Variants in WDR70 observed in about 807,000 individuals in gnomAD.
WDR70 encodes WD repeat-containing protein 70.
Under a neutral mutation model 88.6 loss-of-function variants are expected in WDR70, and 53 were observed. The observed-to-expected ratio is 0.60, with a 90% CI of 0.48 to 0.75. The LOEUF (loss-of-function observed/expected upper bound fraction) is 0.75, where lower values mean the gene tolerates loss of function less well. Ranked by LOEUF, WDR70 falls within the 30% of genes least tolerant of loss-of-function variation. WDR70 has a pLI of 0.00. For missense variants in WDR70, 610 were observed against 823.2 expected, an observed-to-expected ratio of 0.74 and a Z score of 3.17; for synonymous variants, 280 against 270.0, an observed-to-expected ratio of 1.04 and a Z score of -0.36.
At chr5:37,618,327 A>G (rs1239707344) in intron 10 of WDR70, among the ~76,000 whole-genome samples, 2 of 152,202 alleles carry the variant, frequency 1.3e-5, no homozygotes, top group Non-Finnish European at 2.9e-5. Context: ...TAGTCAAAAT[A>G]TAAAGGTCAA....
At chr5:37,417,950 C>A (rs1253877493) in intron 5 of WDR70, among the ~76,000 whole-genome samples, 1 of 152,106 alleles carries the variant, frequency 6.6e-6, no homozygotes, top group African/African-American at 2.4e-5. Context: ...TAAGTAAGTG[C>A]GCCATTAAGT....
chr5:37,430,918 A>G (rs1750283971), intron 5 of WDR70, among the ~76,000 whole-genome samples: 2 of 151,932 alleles, frequency 1.3e-5, no homozygotes, highest in Admixed American at 1.3e-4. Context: ...CAGTGGCGCA[A>G]TCTTGGCTGA....
chr5:37,751,628 T>G (rs1254654612), intron 17 of WDR70, among the ~76,000 whole-genome samples: 1 of 152,228 alleles, frequency 6.6e-6, no homozygotes, highest in Non-Finnish European at 1.5e-5. Context: ...ATATAATGAT[T>G]CTAAATGAAA....
At chr5:37,475,169 C>T (rs1216076674) in intron 7 of WDR70, among the ~76,000 whole-genome samples, 2 of 151,728 alleles carry the variant, frequency 1.3e-5, no homozygotes, top group Admixed American at 1.3e-4. Context: ...ATCCACCTGC[C>T]TTGGCCTCCC....
chr5:37,425,331 A>T (rs184995008), intron 5 of WDR70, among the ~76,000 whole-genome samples: 43 of 152,348 alleles, frequency 2.8e-4, no homozygotes, highest in African/African-American at 1.0e-3. Flanking sequence ...GAGCACGATA[A>T]CATGGATCAG....
At chr5:37,517,026 T>A (rs1740910360) in intron 9 of WDR70, among the ~76,000 whole-genome samples, 1 of 152,098 alleles carries the variant, frequency 6.6e-6, no homozygotes, top group Admixed American at 6.5e-5. Context: ...CCGGCCTATA[T>A]ATTCTTGTTC....
chr5:37,462,667 T>C (rs1739044688), intron 7 of WDR70, among the ~76,000 whole-genome samples: 1 of 152,120 alleles, frequency 6.6e-6, no homozygotes, highest in African/African-American at 2.4e-5. Context: ...ACTAAACATA[T>C]ACTAACTTGT....
At chr5:37,407,847 C>A (rs1406933555) in intron 5 of WDR70, among the ~76,000 whole-genome samples, 1 of 151,912 alleles carries the variant, frequency 6.6e-6, no homozygotes, top group Non-Finnish European at 1.5e-5. Context: ...CCCAGCCTAA[C>A]CATGCTTTTA....
At chr5:37,485,841 G>A (rs555016423) in intron 8 of WDR70, among the ~76,000 whole-genome samples, 106 of 144,934 alleles carry the variant, frequency 7.3e-4, no homozygotes, top group African/African-American at 2.6e-3. Context: ...ACAGGCATGC[G>A]CCACCATGCC....
Position 37,486,126 on chromosome 5 carries a change from T to C in WDR70, c.840+6139T>C, listed in dbSNP as rs540702173. Among the ~76,000 whole-genome samples, 43 of 152,132 alleles carry C rather than the reference T, an allele frequency of 2.8e-4. No homozygotes were observed. In the East Asian group the frequency reaches 6.6e-3, roughly 23 times the overall value. On this transcript the variant is annotated intron_variant, in intron 8 of 17. Transcript: ENST00000265107. The stretch of plus-strand genomic sequence containing the variant: ...AACTTTTTATTTGTTCATGGAACTT[T>C]CTAGACCGTAACTACACTGAATAAT...
At chr5:37,398,075 T>A (rs1458867116) in intron 5 of WDR70, among the ~76,000 whole-genome samples, 1 of 147,192 alleles carries the variant, frequency 6.8e-6, no homozygotes, top group African/African-American at 2.5e-5. Context: ...TATTTGACAC[T>A]TGGGGTAGAT....
chr5:37,468,927 G>T (rs1427878580), intron 7 of WDR70, among the ~76,000 whole-genome samples: 1 of 152,184 alleles, frequency 6.6e-6, no homozygotes, highest in East Asian at 1.9e-4. Flanking sequence ...TTATATCAGG[G>T]ACTTGAGTAT....
At chr5:37,571,666 AATAG>A (rs768510967) in intron 9 of WDR70, among the ~76,000 whole-genome samples, 30 of 152,178 alleles carry the variant, frequency 2.0e-4, no homozygotes, top group South Asian at 2.1e-4. Context: ...TGAATGAAAA[AATAG>A]ATAGATAGAC....
At chr5:37,380,660 T>A (rs1748398280) in intron 2 of WDR70, among the ~76,000 whole-genome samples, 1 of 151,652 alleles carries the variant, frequency 6.6e-6, no homozygotes, top group African/African-American at 2.4e-5. Context: ...TCTTTTTTTA[T>A]TTTTTGAGAT....
chr5:37,639,700 A>T lies in WDR70; in HGVS notation c.1092+34462A>T, dbSNP rs534622030. On this transcript the variant is annotated intron_variant, in intron 10 of 17. Transcript: ENST00000265107. Reference sequence around the variant, plus strand: ...GGCTTGATTTCTATAACACTCTTTGATGGTGATCATAATGACTAAGTGGTT... The same window carrying T: ...GGCTTGATTTCTATAACACTCTTTGTTGGTGATCATAATGACTAAGTGGTT... 2.0e-4 allele frequency among the ~76,000 whole-genome samples: 31 copies of T among 152,190 alleles called. No homozygotes were observed. The East Asian group carries it at 3.7e-3, about 18-fold the overall frequency.
intron 8 of WDR70, among the ~76,000 whole-genome samples, chr5:37,486,014 CA>C (rs1561871265): frequency 6.6e-6 from 1 of 151,744 alleles, no homozygotes; most frequent in Non-Finnish European, 1.5e-5. Context: ...TGTGCCTGGC[CA>C]ACAATATATA....
chr5:37,456,931 A>G (rs911930496), intron 7 of WDR70, among the ~76,000 whole-genome samples: 4 of 152,016 alleles, frequency 2.6e-5, no homozygotes, highest in African/African-American at 9.7e-5. Flanking sequence ...CAATAAACAT[A>G]AAGATATTCA....
intron 10 of WDR70, among the ~76,000 whole-genome samples, chr5:37,637,239 G>T (rs913417581): frequency 1.3e-5 from 2 of 151,962 alleles, no homozygotes; most frequent in African/African-American, 4.8e-5. Flanking sequence ...CTACTGGGAG[G>T]CTGAGGCAGG....
At chr5:37,660,645 T>C (rs1317364034) in intron 10 of WDR70, among the ~76,000 whole-genome samples, 3 of 152,178 alleles carry the variant, frequency 2.0e-5, no homozygotes, top group Admixed American at 6.5e-5. Flanking sequence ...ATTTGCCTGG[T>C]AAATCTTTTT....
Sources: gnomAD v4.1 joint callset for allele counts (sites outside exome capture counted in the v4.1 genomes callset) on GRCh38, gnomAD v4.1.1 for gene constraint, MANE v1.5 for transcripts, NCBI Gene and HGNC (gene_info 2026-07-23, HGNC 2026-07-21) for gene names.